SWT1: variants seen among roughly 807,000 people sequenced by gnomAD.
SWT1 encodes transcriptional protein SWT1.
SWT1 carries 33 observed loss-of-function variants against 107.3 expected under a neutral mutation model. The observed-to-expected ratio is 0.31, with a 90% CI of 0.23 to 0.41. The LOEUF (loss-of-function observed/expected upper bound fraction) is 0.41, where lower values mean the gene tolerates loss of function less well. Ranked by LOEUF, SWT1 falls within the 10% of genes least tolerant of loss-of-function variation. The probability of loss-of-function intolerance (pLI) is 1.00; values close to 1 mark genes in which losing one functional copy is unlikely to be tolerated. For missense variants in SWT1, 898 were observed against 1,028.9 expected, an observed-to-expected ratio of 0.87 and a Z score of 1.74; for synonymous variants, 345 against 348.3, an observed-to-expected ratio of 0.99 and a Z score of 0.11.
chr1:185,233,115 A>G (rs1660612870), intron 16 of SWT1, among the ~76,000 whole-genome samples: 1 of 152,154 alleles, frequency 6.6e-6, no homozygotes, highest in Non-Finnish European at 1.5e-5. Context: ...TATGAGGCCT[A>G]TAGGTCTGTG....
intron 13 of SWT1, among the ~76,000 whole-genome samples, chr1:185,214,268 C>T (rs975429460): frequency 1.3e-5 from 2 of 152,044 alleles, no homozygotes; most frequent in East Asian, 1.9e-4. Context: ...TGAAGTTGAC[C>T]GTGCTGACAG....
chr1:185,272,522 C>G (rs1432285098), intron 17 of SWT1, among the ~76,000 whole-genome samples: 4 of 152,038 alleles, frequency 2.6e-5, no homozygotes, highest in Non-Finnish European at 4.4e-5. Flanking sequence ...CATTAAGAAC[C>G]CAGTGATTAA....
At chr1:185,159,068 A>C (rs567911887) in intron 1 of SWT1, among the ~76,000 whole-genome samples, 1 of 152,230 alleles carries the variant, frequency 6.6e-6, no homozygotes, top group East Asian at 1.9e-4. Flanking sequence ...TCCTCATGAC[A>C]CTCTGACTTT....
chr1:185,167,890 CT>C (rs1176437485), intron 3 of SWT1, among the ~76,000 whole-genome samples: 1 of 152,178 alleles, frequency 6.6e-6, no homozygotes, highest in African/African-American at 2.4e-5. Context: ...TGTTTTAGCA[CT>C]TTTTGACTCT....
chr1:185,197,269 T>G (rs1246025550), intron 10 of SWT1, among the ~76,000 whole-genome samples: 1 of 152,198 alleles, frequency 6.6e-6, no homozygotes, highest in Non-Finnish European at 1.5e-5. Flanking sequence ...TTACATTGAT[T>G]GATTTGCATA....
chr1:185,184,475 T>C, intron 8 of SWT1, 131 bp downstream of exon 8: 1 of 642,084 alleles, frequency 1.6e-6, no homozygotes, highest in Admixed American at 3.4e-5. Context: ...ATATTCAGTG[T>C]TATAAGTTTA....
In SWT1 at chr1:185,206,709, A is replaced by T. The variant is rs1658361462; in HGVS notation, c.1918A>T (p.Met640Leu). The stretch of plus-strand genomic sequence containing the variant: ...TTGGTTGGCTGTATTTGGATTAGTT[A>T]TGGAAAAGAACTTGCTTTTAACTAT... ...KHWLAVFGLV[M>L]EKNLLLTIES... The change falls in exon 13 of 19, where the codon ATG (methionine) becomes TTG (leucine). Residue 640 changes from methionine to leucine, a missense_variant. Transcript: ENST00000367500. The T allele has an allele frequency of 8.1e-6, 13 of 1,608,580 alleles. No individual in the cohort carries two copies. Among genetic ancestry groups the T allele is most frequent in the Non-Finnish European group, 1.1e-5 (13 of 1,176,732 alleles).
Position 185,284,782 on chromosome 1 carries a change from C to T in SWT1, c.2574-5892C>T, listed in dbSNP as rs75628293. Among the ~76,000 whole-genome samples the T allele has an allele frequency of 6.7e-3, 1,017 of 152,182 alleles. 11 individuals are homozygous for T. Among genetic ancestry groups the T allele is most frequent in the African/African-American group, 0.023 (955 of 41,512 alleles). On this transcript the variant is annotated intron_variant, in intron 18 of 18. Transcript: ENST00000367500. ...CTAGAGCCCACATAGCAAGTGTCTT[C>T]AAGAGATAATTATTTAGCTCAAGGG...
intron 15 of SWT1, among the ~76,000 whole-genome samples, chr1:185,222,762 C>CAA (rs59515070): frequency 0.091 from 3,154 of 34,782 alleles, 328 homozygotes; most frequent in African/African-American, 0.24. Context: ...GACGCCATCT[C>CAA]AAAAAAAAAA....
intron 16 of SWT1, among the ~76,000 whole-genome samples, chr1:185,236,244 A>G (rs1660865914): frequency 6.6e-6 from 1 of 151,998 alleles, no homozygotes; most frequent in South Asian, 2.1e-4. Context: ...AGCCAAGACA[A>G]TCCTAAGCAA....
Position 185,290,790 on chromosome 1 carries a change from A to G in SWT1, c.2690A>G (p.Asn897Ser). 6.2e-7 allele frequency: 1 copy of G among 1,607,962 alleles called. No individual in the cohort carries two copies. Among genetic ancestry groups the G allele is most frequent in the Non-Finnish European group, 8.5e-7 (1 of 1,176,368 alleles). ...AGGGGATGGTGTGAAGACATGCTCA[A>G]CTATAGGATATAAGTACTGATTTGT... ...KNRGWCEDMLNYRI is the reference protein window; with the variant it reads ...KNRGWCEDMLSYRI The change falls in exon 19 of 19, where the codon AAC becomes AGC. Residue 897 changes from asparagine to serine, a missense_variant. Transcript: ENST00000367500.
At chr1:185,207,968 C>G (rs1658468359) in intron 13 of SWT1, among the ~76,000 whole-genome samples, 1 of 152,076 alleles carries the variant, frequency 6.6e-6, no homozygotes, top group African/African-American at 2.4e-5. Flanking sequence ...TGGTACTTTG[C>G]TTTTTTCAAA....
chr1:185,162,271 T>G (rs1176676911), intron 2 of SWT1, among the ~76,000 whole-genome samples: 1 of 152,244 alleles, frequency 6.6e-6, no homozygotes, highest in Non-Finnish European at 1.5e-5. Context: ...AGCAGTGGTT[T>G]CTGTGTTGCT....
chr1:185,223,458 G>T (rs1659824416), intron 15 of SWT1, among the ~76,000 whole-genome samples: 1 of 152,058 alleles, frequency 6.6e-6, no homozygotes, highest in East Asian at 1.9e-4. Context: ...AAGGATTACA[G>T]GTGTGAGCCA....
intron 5 of SWT1, 142 bp downstream of exon 5, chr1:185,175,255 C>T (rs1655446041): frequency 1.4e-6 from 1 of 729,692 alleles, no homozygotes. Flanking sequence ...CAGGGTCTCA[C>T]TCCGTTGCCC....
intron 9 of SWT1, among the ~76,000 whole-genome samples, chr1:185,186,759 C>CTT (rs571897746): frequency 7.0e-6 from 1 of 143,428 alleles, no homozygotes; most frequent in Non-Finnish European, 1.5e-5. Flanking sequence ...TTTTAATTAC[C>CTT]TTTTTTTTTT....
chr1:185,283,799 T>C (rs995452521), intron 18 of SWT1, among the ~76,000 whole-genome samples: 1 of 152,188 alleles, frequency 6.6e-6, no homozygotes, highest in Non-Finnish European at 1.5e-5. Context: ...TTAGCATATA[T>C]CAATACTTCA....
At chr1:185,278,582 A>T (rs1664406981) in intron 18 of SWT1, among the ~76,000 whole-genome samples, 1 of 152,178 alleles carries the variant, frequency 6.6e-6, no homozygotes, top group South Asian at 2.1e-4. Context: ...ACCCTCCACC[A>T]CTACATATTC....
chr1:185,165,205 C>T (rs1390161380), intron 2 of SWT1, among the ~76,000 whole-genome samples: 1 of 152,050 alleles, frequency 6.6e-6, no homozygotes, highest in Non-Finnish European at 1.5e-5. Context: ...GTCTGTGGCG[C>T]CCCAAAGCAA....
Sources: gnomAD v4.1 joint callset for allele counts (sites outside exome capture counted in the v4.1 genomes callset) on GRCh38, gnomAD v4.1.1 for gene constraint, MANE v1.5 for transcripts, NCBI Gene and HGNC (gene_info 2026-07-23, HGNC 2026-07-21) for gene names.